SYN1: variants seen among roughly 807,000 people sequenced by gnomAD.
SYN1 encodes the protein synapsin I, also known as synapsin-1.
SYN1 carries 8 observed loss-of-function variants against 44.6 expected under a neutral mutation model. The observed-to-expected ratio is 0.18, with a 90% CI of 0.11 to 0.32. The LOEUF is 0.32. Ranked by LOEUF, SYN1 falls within the 10% of genes least tolerant of loss-of-function variation. The probability of loss-of-function intolerance (pLI) is 1.00; values close to 1 mark genes in which losing one functional copy is unlikely to be tolerated. For missense variants in SYN1, 451 were observed against 639.4 expected, an observed-to-expected ratio of 0.71 and a Z score of 3.18; for synonymous variants, 275 against 280.1, an observed-to-expected ratio of 0.98 and a Z score of 0.18.
intron 5 of SYN1, among the ~76,000 whole-genome samples, chrX:47,600,788 G>A (rs1603068501): frequency 8.9e-6 from 1 of 111,743 alleles, no homozygotes; most frequent in Non-Finnish European, 1.9e-5. Flanking sequence ...ATAACCAATA[G>A]GTCAAAGAAG....
chrX:47,599,249 G>A (rs1023830998), intron 5 of SYN1, among the ~76,000 whole-genome samples: 1 of 111,800 alleles, frequency 8.9e-6, no homozygotes, highest in South Asian at 3.7e-4. Flanking sequence ...TAAACACTGC[G>A]ATTAACCCTT....
intron 5 of SYN1, chrX:47,585,879 G>A (rs1356824907): frequency 1.5e-5 from 17 of 1,135,071 alleles, no homozygotes; most frequent in Non-Finnish European, 1.9e-5. Flanking sequence ...GTCCAATACC[G>A]TGTGATCACC....
In SYN1 at chrX:47,583,437, G is replaced by A. The variant is rs369537887; in HGVS notation, c.775-5936C>T. The A allele has an allele frequency of 3.5e-5, 42 of 1,204,747 alleles. No homozygotes were observed. Among genetic ancestry groups the A allele is most frequent in the East Asian group, 9.0e-5 (3 of 33,487 alleles). On this transcript the variant is annotated intron_variant, in intron 5 of 12. Coordinates refer to ENST00000295987, the MANE Select transcript of SYN1 (RefSeq NM_006950.3). ...CACCATGGCCCCCTTTGAGCCCCTG[G>A]CTTCTGGCATCCTGTTGTTGCTGTG...
intron 5 of SYN1, among the ~76,000 whole-genome samples, chrX:47,584,370 T>C (rs1413217542): frequency 9.0e-6 from 1 of 110,790 alleles, no homozygotes; most frequent in Admixed American, 9.6e-5. Context: ...ATATAGAATA[T>C]AGGGGTTCTT....
chrX:47,611,588 G>C (rs1388402977), intron 1 of SYN1, among the ~76,000 whole-genome samples: 1 of 111,726 alleles, frequency 9.0e-6, no homozygotes, highest in Non-Finnish European at 1.9e-5. Flanking sequence ...TCTTGCTGTA[G>C]GGCTATGCTA....
At position 47,572,725 on chromosome X, in the gene SYN1, G is replaced by C; in HGVS notation, c.*139C>G. On this transcript the variant is annotated 3_prime_UTR_variant, in exon 13 of 13. Coordinates refer to ENST00000295987, the MANE Select transcript of SYN1 (RefSeq NM_006950.3). ...AGTCAGGTTTCTCAAGGTACTCGGG[G>C]ATCTTGAGGAATGAGAGGTGGAATC... 1 of 927,762 alleles carries C rather than the reference G, an allele frequency of 1.1e-6. No homozygotes were observed. Among genetic ancestry groups the C allele is most frequent in the East Asian group, 3.2e-5 (1 of 30,788 alleles). 76.5% of individuals were successfully genotyped at this position (927,762 alleles called of 1,213,427 possible).
chrX:47,572,827 G>T lies in SYN1; in HGVS notation c.*37C>A. The T allele has an allele frequency of 1.7e-6, 2 of 1,210,153 alleles. No homozygotes were observed. Among genetic ancestry groups the T allele is most frequent in the Non-Finnish European group, 2.2e-6 (2 of 894,436 alleles). On this transcript the variant is annotated 3_prime_UTR_variant, in exon 13 of 13. Transcript: ENST00000295987. ...GAAATGGATTCAGGGCCCAGAGAAG[G>T]GTTGCCCAGGGATTTTGGGGTTCTC...
intron 1 of SYN1, among the ~76,000 whole-genome samples, chrX:47,613,026 G>A (rs1465954624): frequency 9.1e-6 from 1 of 109,520 alleles, no homozygotes; most frequent in Non-Finnish European, 1.9e-5. Context: ...CCAGCTACTC[G>A]GGAGGCTGAG....
At chrX:47,596,947 G>A (rs1015570251) in intron 5 of SYN1, among the ~76,000 whole-genome samples, 7 of 111,948 alleles carry the variant, frequency 6.3e-5, no homozygotes, top group African/African-American at 2.3e-4. Context: ...TATTTTCAAA[G>A]AACTAAAGGA....
intron 5 of SYN1, among the ~76,000 whole-genome samples, chrX:47,593,683 T>C (rs1207762766): frequency 8.9e-6 from 1 of 112,222 alleles, no homozygotes; most frequent in African/African-American, 3.2e-5. Context: ...TTAACTAGTC[T>C]CTAGCATTTC....
intron 5 of SYN1, among the ~76,000 whole-genome samples, chrX:47,580,051 G>A (rs1338494678): frequency 9.1e-6 from 1 of 109,979 alleles, no homozygotes; most frequent in African/African-American, 3.3e-5. Flanking sequence ...CATACAGTAA[G>A]CCTCGATCCT....
chrX:47,607,727 G>GAAAAA (rs5902397), intron 1 of SYN1, among the ~76,000 whole-genome samples: 2 of 51,740 alleles, frequency 3.9e-5, no homozygotes, highest in African/African-American at 7.2e-5. Flanking sequence ...AAAAAAAATT[G>GAAAAA]AAAAAAAAAA....
In SYN1 at chrX:47,572,852, C is replaced by CA. The variant is rs1204658343; in HGVS notation, c.*11dup. The stretch of plus-strand genomic sequence containing the variant: ...GGTTGCCCAGGGATTTTGGGGTTCT[C>CA]AGAGTGGGGTATCAGTCGGAGAAGA... On this transcript the variant is annotated 3_prime_UTR_variant, in exon 13 of 13. Coordinates refer to ENST00000295987, the MANE Select transcript of SYN1 (RefSeq NM_006950.3). 2 of 1,211,337 alleles carry CA rather than the reference C, an allele frequency of 1.7e-6. No individual in the cohort carries two copies.
Position 47,571,934 on chromosome X carries a change from A to C in SYN1, c.*930T>G. 3 of 161,438 alleles carry C rather than the reference A, an allele frequency of 1.9e-5. No individual in the cohort carries two copies. The highest frequency in any genetic ancestry group is 2.4e-5 in the Non-Finnish European group (2 of 84,990). 13.3% of individuals were successfully genotyped at this position (161,438 alleles called of 1,213,427 possible). On this transcript the variant is annotated 3_prime_UTR_variant, in exon 13 of 13. Coordinates refer to ENST00000295987, the MANE Select transcript of SYN1 (RefSeq NM_006950.3). ...CTTTGCTTGTTTATTTTGTTTCCCGACTCTTCTCTTGGGGTTCAGAGCCGC... is the reference window on the plus strand; with the variant it reads ...CTTTGCTTGTTTATTTTGTTTCCCGCCTCTTCTCTTGGGGTTCAGAGCCGC...
rs141539828 is a variant in SYN1, at chrX:47,605,927, C to G, written c.528-548G>C. On this transcript the variant is annotated intron_variant, in intron 3 of 12. Transcript: ENST00000295987. ...TTTTTTTTTTTTCTGTTGAGACGGA[C>G]TGTTGCTCTGTTGTCCAGGCGCTGG... Among the ~76,000 whole-genome samples, 470 of 108,130 alleles carry G rather than the reference C, an allele frequency of 4.3e-3. 3 individuals are homozygous for G. Among genetic ancestry groups the G allele is most frequent in the African/African-American group, 0.014 (427 of 29,655 alleles). The allele number at this position is 108,130 out of a possible 115,157, so 93.9% of individuals were successfully genotyped here.
intron 5 of SYN1, among the ~76,000 whole-genome samples, chrX:47,596,855 G>C (rs1250811937): frequency 1.8e-5 from 2 of 111,951 alleles, no homozygotes; most frequent in Non-Finnish European, 3.8e-5. Context: ...CAAACACAGG[G>C]AAAAAAGCAG....
Position 47,574,292 on chromosome X carries a change from G to A in SYN1, c.1692C>T (p.Thr564=), listed in dbSNP as rs1463522576. ...PQRQAGPPQA[T]RQTSVSGPAP... is the part of the protein sequence containing the mutation. ...CCGGGCCAGAGACGGATGTCTGACGGGTAGCCTGTGGGGGGCCCGCCTGGC... is the reference window on the plus strand; with the variant it reads ...CCGGGCCAGAGACGGATGTCTGACGAGTAGCCTGTGGGGGGCCCGCCTGGC... Residue 564 remains threonine (T), a synonymous_variant, in exon 12 of 13, where the codon ACC becomes ACT. Coordinates refer to ENST00000295987, the MANE Select transcript of SYN1 (RefSeq NM_006950.3). 7 of 1,100,012 alleles carry A rather than the reference G, an allele frequency of 6.4e-6. No homozygotes were observed. In the African/African-American group the frequency reaches 1.3e-4, roughly 21 times the overall value. The allele number at this position is 1,100,012 out of a possible 1,213,427, so 90.7% of individuals were successfully genotyped here.
chrX:47,595,848 C>G (rs2057862286), intron 5 of SYN1, among the ~76,000 whole-genome samples: 1 of 111,760 alleles, frequency 8.9e-6, no homozygotes, highest in African/African-American at 3.3e-5. Flanking sequence ...GTCTTCTCCT[C>G]CTTAAAATTG....
intron 5 of SYN1, among the ~76,000 whole-genome samples, chrX:47,579,023 C>T (rs2057787272): frequency 8.9e-6 from 1 of 111,885 alleles, no homozygotes; most frequent in African/African-American, 3.3e-5. Flanking sequence ...CCCAGGTGTG[C>T]GCACAGCACA....
Sources: allele counts gnomAD v4.1 joint callset (sites outside exome capture counted in the v4.1 genomes callset), GRCh38; gene constraint gnomAD v4.1.1; transcripts MANE v1.5; gene names NCBI Gene and HGNC (gene_info 2026-07-23, HGNC 2026-07-21).